The following FOXP1 variants were observed in gnomAD, a reference collection of about 807,000 sequenced individuals.
FOXP1 encodes forkhead box P1.
Under a neutral mutation model 98.2 loss-of-function variants are expected in FOXP1, and 15 were observed. That is an observed-to-expected ratio of 0.15 (90% confidence interval 0.10 to 0.24). The LOEUF (loss-of-function observed/expected upper bound fraction) is 0.24, where lower values mean the gene tolerates loss of function less well. FOXP1 is among the 10% of genes least tolerant of loss of function. The probability of loss-of-function intolerance (pLI) is 1.00; values close to 1 mark genes in which losing one functional copy is unlikely to be tolerated. For missense variants in FOXP1, 633 were observed against 848.5 expected (o/e 0.75, Z 3.15); for synonymous variants, 371 against 314.5 (o/e 1.18, Z -1.90).
At chr3:71,460,700 A>C (rs1483798885) in intron 3 of FOXP1, among the ~76,000 whole-genome samples, 1 of 152,150 alleles carries the variant, frequency 6.6e-6, no homozygotes, top group Non-Finnish European at 1.5e-5. Flanking sequence ...TGGCCTCCCA[A>C]AGTGCTGGGA....
chr3:71,574,880 C>G (rs1190913224), intron 2 of FOXP1, among the ~76,000 whole-genome samples: 1 of 152,182 alleles, frequency 6.6e-6, no homozygotes, highest in African/African-American at 2.4e-5. Flanking sequence ...GCCTCTGTTT[C>G]TCTAAGTCTC....
intron 17 of FOXP1, among the ~76,000 whole-genome samples, chr3:70,974,826 T>C (rs1189690804): frequency 6.6e-6 from 1 of 152,202 alleles, no homozygotes; most frequent in East Asian, 1.9e-4. Context: ...ATGAAAGGTC[T>C]TAAAGCTACT....
intron 12 of FOXP1, among the ~76,000 whole-genome samples, chr3:71,013,890 G>A (rs2044039386): frequency 6.6e-6 from 1 of 152,094 alleles, no homozygotes; most frequent in African/African-American, 2.4e-5. Flanking sequence ...ACAAAAACAA[G>A]AAATGGGGAA....
chr3:71,438,832 G>A (rs1340992601), intron 3 of FOXP1, among the ~76,000 whole-genome samples: 1 of 151,794 alleles, frequency 6.6e-6, no homozygotes, highest in Non-Finnish European at 1.5e-5. Flanking sequence ...GAATGTCAAT[G>A]CAGAACCGGA....
chr3:71,254,417 T>C (rs2068464632), intron 5 of FOXP1, among the ~76,000 whole-genome samples: 1 of 152,202 alleles, frequency 6.6e-6, no homozygotes, highest in Non-Finnish European at 1.5e-5. Context: ...GACCGGCATT[T>C]GCTAAAAAGT....
At chr3:71,278,383 G>A (rs1313783448) in intron 5 of FOXP1, among the ~76,000 whole-genome samples, 1 of 152,128 alleles carries the variant, frequency 6.6e-6, no homozygotes, top group Non-Finnish European at 1.5e-5. Context: ...GCTACAAAAG[G>A]TGGTCTATGG....
At chr3:71,444,556 G>A (rs2086239880) in intron 3 of FOXP1, among the ~76,000 whole-genome samples, 1 of 152,168 alleles carries the variant, frequency 6.6e-6, no homozygotes, top group Non-Finnish European at 1.5e-5. Context: ...GGAAAGGGGA[G>A]AAAAGAGAGT....
intron 6 of FOXP1, among the ~76,000 whole-genome samples, chr3:71,121,383 G>C (rs75177716): frequency 6.6e-6 from 1 of 151,606 alleles, no homozygotes; most frequent in Non-Finnish European, 1.5e-5. Context: ...AAAAAAAGGG[G>C]GGGGGGATAT....
At chr3:71,514,627 C>T (rs1200658417) in intron 2 of FOXP1, among the ~76,000 whole-genome samples, 1 of 152,172 alleles carries the variant, frequency 6.6e-6, no homozygotes, top group Non-Finnish European at 1.5e-5. Flanking sequence ...TCTGTGAAGG[C>T]TCTCCCCCCT....
chr3:71,531,432 A>G (rs2043839458), intron 2 of FOXP1, among the ~76,000 whole-genome samples: 1 of 152,192 alleles, frequency 6.6e-6, no homozygotes. Context: ...TCAACAGGAA[A>G]AGACCTCAGA....
At position 71,414,910 on chromosome 3, in the gene FOXP1, C is replaced by T. The variant is rs144877440; in HGVS notation, c.-167-55666G>A. On this transcript the variant is annotated intron_variant, in intron 3 of 20. Transcript: ENST00000649528. The stretch of plus-strand genomic sequence containing the variant: ...TATTCAAATCCTGCATCTGGCTTCA[C>T]ATTAATAATCCATTACCATGTTCCC... Among the ~76,000 whole-genome samples, 707 of 152,370 alleles carry T rather than the reference C, an allele frequency of 4.6e-3. 4 individuals carry two copies. Among genetic ancestry groups the T allele is most frequent in the African/African-American group, 0.016 (680 of 41,582 alleles).
chr3:70,971,776 G>A (rs2036311214), intron 18 of FOXP1: 5 of 377,374 alleles, frequency 1.3e-5, no homozygotes, highest in Non-Finnish European at 2.3e-5. Context: ...CCCGTAAGCT[G>A]CTGAATCAAA....
chr3:71,215,022 T>C (rs969352845), intron 5 of FOXP1, among the ~76,000 whole-genome samples: 1 of 152,234 alleles, frequency 6.6e-6, no homozygotes, highest in African/African-American at 2.4e-5. Flanking sequence ...TTGTTAGATA[T>C]GCAAATTCCT....
intron 7 of FOXP1, among the ~76,000 whole-genome samples, chr3:71,062,732 A>G (rs1396519938): frequency 6.6e-6 from 1 of 152,232 alleles, no homozygotes; most frequent in Admixed American, 6.5e-5. Flanking sequence ...TCGTCAGACA[A>G]GCTGCACATT....
chr3:71,015,893 G>C (rs1307645617), intron 11 of FOXP1, among the ~76,000 whole-genome samples: 1 of 152,178 alleles, frequency 6.6e-6, no homozygotes, highest in Non-Finnish European at 1.5e-5. Context: ...GTATGAAAAA[G>C]TGTTTGACAG....
chr3:71,289,833 G>A (rs112874490), intron 5 of FOXP1: 2 of 151,828 alleles, frequency 1.3e-5, no homozygotes, highest in East Asian at 3.9e-4. Context: ...TTTTTTTAAT[G>A]TAGAGATAAG....
chr3:71,455,411 T>C (rs2087381312), intron 3 of FOXP1, among the ~76,000 whole-genome samples: 1 of 152,212 alleles, frequency 6.6e-6, no homozygotes, highest in South Asian at 2.1e-4. Flanking sequence ...TAACCCATTA[T>C]ATGTTAGCTT....
intron 5 of FOXP1, among the ~76,000 whole-genome samples, chr3:71,212,800 T>C (rs1324864277): frequency 6.6e-6 from 1 of 152,142 alleles, no homozygotes; most frequent in Non-Finnish European, 1.5e-5. Flanking sequence ...TTCTAAGAGC[T>C]CATTTTGCCT....
At chr3:70,972,751 C>G in intron 17 of FOXP1, 75 bp from the exon 18 acceptor site, 2 of 1,474,660 alleles carry the variant, frequency 1.4e-6, no homozygotes, top group Non-Finnish European at 1.9e-6. Context: ...TAAATTCAGC[C>G]TAACAGTCCA....
Sources: gnomAD v4.1 joint callset for allele counts (sites outside exome capture counted in the v4.1 genomes callset) on GRCh38, gnomAD v4.1.1 for gene constraint, MANE v1.5 for transcripts, NCBI Gene and HGNC (gene_info 2026-07-23, HGNC 2026-07-21) for gene names.